MICAL3: variants seen among roughly 807,000 people sequenced by gnomAD.
The protein encoded by MICAL3 is microtubule associated monooxygenase, calponin and LIM domain containing 3.
Under a neutral mutation model 207.4 loss-of-function variants are expected in MICAL3, and 62 were observed. The ratio of observed to expected loss-of-function variants is 0.30; its 90% confidence interval spans 0.24 to 0.37. The LOEUF (loss-of-function observed/expected upper bound fraction) is 0.37, where lower values mean the gene tolerates loss of function less well. Among genes scored for constraint, MICAL3 ranks in the 10% least tolerant of loss-of-function variants. MICAL3 has a pLI of 1.00. For synonymous variants in MICAL3, 1,077 were observed against 1,069.3 expected, an observed-to-expected ratio of 1.01 and a Z score of -0.14; for missense variants, 2,368 against 2,635.6, an observed-to-expected ratio of 0.90 and a Z score of 2.22.
chr22:17,795,149 G>A (rs1014249583), intron 29 of MICAL3, among the ~76,000 whole-genome samples: 6 of 152,222 alleles, frequency 3.9e-5, no homozygotes, highest in Non-Finnish European at 1.5e-5. Context: ...GTGTGCATGC[G>A]TGTGAAATGC....
chr22:17,978,058 A>T (rs187976693), intron 1 of MICAL3, among the ~76,000 whole-genome samples: 130 of 138,544 alleles, frequency 9.4e-4, no homozygotes, highest in African/African-American at 3.4e-3. Flanking sequence ...AAAATAAAAT[A>T]AAAAAATATA....
chr22:17,901,187 GAAGTCA>G (rs1931289105), intron 5 of MICAL3, among the ~76,000 whole-genome samples, 190 bp from the exon 6 acceptor site: 1 of 152,224 alleles, frequency 6.6e-6, no homozygotes, highest in African/African-American at 2.4e-5. Flanking sequence ...ATTCAGGGAA[GAAGTCA>G]AAGTCTCCAT....
chr22:17,837,915 C>A lies in MICAL3; in HGVS notation c.2801+3907G>T, dbSNP rs56402173. Among the ~76,000 whole-genome samples the A allele has an allele frequency of 6.9e-3, 1,045 of 152,312 alleles. 6 individuals are homozygous for A. The highest frequency in any genetic ancestry group is 0.011 in the Non-Finnish European group (728 of 68,006). ...CACCCAGGCAGTGAACTCCTGGGCACAAGCGATCCTCTTGCTTCAGCCTCC... is the reference window on the plus strand; with the variant it reads ...CACCCAGGCAGTGAACTCCTGGGCAAAAGCGATCCTCTTGCTTCAGCCTCC... On this transcript the variant is annotated intron_variant, in intron 20 of 31. Transcript: ENST00000441493.
intron 1 of MICAL3, among the ~76,000 whole-genome samples, chr22:17,997,360 G>C (rs972369846): frequency 6.6e-6 from 1 of 152,082 alleles, no homozygotes; most frequent in Non-Finnish European, 1.5e-5. Context: ...CACTGCGCCC[G>C]GCCCATCTGG....
intron 1 of MICAL3, among the ~76,000 whole-genome samples, chr22:18,020,937 TAA>T (rs1304702112): frequency 8.7e-5 from 13 of 149,264 alleles, no homozygotes; most frequent in Non-Finnish European, 1.9e-4. Flanking sequence ...AATAAATAAA[TAA>T]ATAAATAAAT....
chr22:17,965,210 G>C (rs1602306573), intron 1 of MICAL3, among the ~76,000 whole-genome samples: 1 of 151,532 alleles, frequency 6.6e-6, no homozygotes, highest in East Asian at 1.9e-4. Flanking sequence ...AAAAGGAAGG[G>C]AACTATTTCT....
intron 1 of MICAL3, among the ~76,000 whole-genome samples, chr22:17,956,543 C>G (rs1934623485): frequency 6.6e-6 from 1 of 152,182 alleles, no homozygotes; most frequent in African/African-American, 2.4e-5. Context: ...GTGGTGCATG[C>G]CTGTAGTCCC....
At position 17,817,603 on chromosome 22, in the gene MICAL3, G is replaced by A. The variant is rs748511970; in HGVS notation, c.5058C>T (p.Phe1686=). Residue 1686 remains phenylalanine, a synonymous_variant, in exon 26 of 32, where the codon TTC becomes TTT. Transcript: ENST00000441493. ...PSDSGGPDGS[F]TSSEGSSGKS... The stretch of plus-strand genomic sequence containing the variant: ...TCCCACTGGAGCCCTCGGATGAAGT[G>A]AAAGAGCCATCTGGGCCCCCTGAGT... 1 of 1,613,282 alleles carries A rather than the reference G, an allele frequency of 6.2e-7. No homozygotes were observed. The highest frequency in any genetic ancestry group is 1.7e-5 in the Admixed American group (1 of 60,004).
At chr22:17,825,312 G>A (rs914694148) in intron 22 of MICAL3, among the ~76,000 whole-genome samples, 2 of 152,250 alleles carry the variant, frequency 1.3e-5, no homozygotes, top group African/African-American at 4.8e-5. Context: ...AGTGTTGAAA[G>A]GGACACAGCT....
At chr22:17,826,205 A>T (rs1169507826) in intron 22 of MICAL3, among the ~76,000 whole-genome samples, 1 of 151,496 alleles carries the variant, frequency 6.6e-6, no homozygotes, top group Non-Finnish European at 1.5e-5. Context: ...TCCGACTCTT[A>T]TCAATAAAAA....
chr22:17,793,517 G>A lies in MICAL3; in HGVS notation c.5651-2216C>T, dbSNP rs978542029. Among the ~76,000 whole-genome samples the A allele has an allele frequency of 6.6e-6, 1 of 152,212 alleles. No homozygotes were observed. The highest frequency in any genetic ancestry group is 2.4e-5 in the African/African-American group (1 of 41,450). On this transcript the variant is annotated intron_variant, in intron 29 of 31. Coordinates refer to ENST00000441493, the MANE Select transcript of MICAL3 (RefSeq NM_015241.3). This position sits in a 1 kb window ranked among gnomAD's most constrained non-coding sequence, Gnocchi z 4.1. ...AGGACCCAGACCTGGAGGCTCTCTG[G>A]CTTTACTCTGCACCCTGGTCCTCCC...
At chr22:17,893,944 A>G in intron 10 of MICAL3, 40 bp from the exon 11 acceptor site, 2 of 1,427,244 alleles carry the variant, frequency 1.4e-6, no homozygotes. Context: ...AGAAAATCAA[A>G]TATCAAGTAA....
At chr22:18,018,794 A>G (rs1415192637) in intron 1 of MICAL3, among the ~76,000 whole-genome samples, 1 of 150,458 alleles carries the variant, frequency 6.6e-6, no homozygotes, top group East Asian at 1.9e-4. Context: ...ATACACACAT[A>G]CACACACACA....
intron 1 of MICAL3, among the ~76,000 whole-genome samples, chr22:17,921,917 C>T (rs1232181868): frequency 6.6e-6 from 1 of 152,130 alleles, no homozygotes; most frequent in Non-Finnish European, 1.5e-5. Flanking sequence ...CTCAGCAAGG[C>T]CCAAAAAGCT....
intron 20 of MICAL3, chr22:17,840,261 T>G (rs566412068): frequency 6.6e-6 from 1 of 152,118 alleles, no homozygotes; most frequent in East Asian, 1.9e-4. Flanking sequence ...CCAGCTAATT[T>G]TTGTATTTTT....
chr22:17,975,323 A>G (rs1448330451), intron 1 of MICAL3, among the ~76,000 whole-genome samples: 1 of 152,072 alleles, frequency 6.6e-6, no homozygotes, highest in East Asian at 1.9e-4. Flanking sequence ...TCACCCAAGG[A>G]TCTTGGTGGC....
intron 29 of MICAL3, among the ~76,000 whole-genome samples, chr22:17,805,958 G>A (rs1195334400): frequency 6.6e-6 from 1 of 152,178 alleles, no homozygotes; most frequent in Admixed American, 6.5e-5. Flanking sequence ...TCAAACTCCC[G>A]GCCTCAGGTG....
chr22:17,917,045 G>A (rs781060549), intron 1 of MICAL3, among the ~76,000 whole-genome samples: 3 of 151,998 alleles, frequency 2.0e-5, no homozygotes, highest in East Asian at 1.9e-4. Flanking sequence ...ATTCTATTTC[G>A]TTTTTTGAAA....
At chr22:17,859,017 T>G (rs1195786420) in intron 19 of MICAL3, among the ~76,000 whole-genome samples, 2 of 152,184 alleles carry the variant, frequency 1.3e-5, no homozygotes, top group Admixed American at 1.3e-4. Flanking sequence ...GGATACTGAC[T>G]GACTTATTTC....
Sources: gnomAD v4.1 joint callset for allele counts (sites outside exome capture counted in the v4.1 genomes callset) on GRCh38, gnomAD v4.1.1 for gene constraint, Gnocchi (gnomAD v3.1) non-coding constraint, MANE v1.5 for transcripts, NCBI Gene and HGNC (gene_info 2026-07-23, HGNC 2026-07-21) for gene names.